The following DDX5 variants were observed in gnomAD, a reference collection of about 807,000 sequenced individuals.
DDX5 encodes probable ATP-dependent RNA helicase DDX5.
In DDX5, 6 loss-of-function variants were observed where a neutral mutation model predicts 68.6. That is an observed-to-expected ratio of 0.09 (90% CI 0.05 to 0.17). The LOEUF (loss-of-function observed/expected upper bound fraction) is 0.17. DDX5 is among the 10% of genes least tolerant of loss of function. The probability of loss-of-function intolerance (pLI) is 1.00; values close to 1 mark genes in which losing one functional copy is unlikely to be tolerated. For missense variants in DDX5, 499 were observed against 756.1 expected (o/e 0.66, Z 3.99); for synonymous variants, 350 against 247.0 (o/e 1.42, Z -3.91).
Position 64,502,230 on chromosome 17 carries a change from TAA to T in DDX5, c.1095-9_1095-8del, listed in dbSNP as rs1281493027. 2.5e-6 allele frequency: 4 copies of T among 1,613,718 alleles called. No homozygotes were observed. The African/African-American group carries it at 5.3e-5, about 22-fold the overall frequency. On this transcript the variant is annotated splice_polypyrimidine_tract_variant and splice_region_variant and intron_variant, in intron 9 of 12. Transcript: ENST00000225792. The stretch of plus-strand genomic sequence containing the variant: ...GATACCCATGGCAGGCCACCTAAGT[TAA>T]AAGACAAGTTGTGTTATTAAACTCA...
chr17:64,500,088 A>G lies in DDX5; in HGVS notation c.1680T>C (p.Thr560=). The change falls in exon 13 of 13, where the codon ACT becomes ACC. Residue 560 remains threonine, a synonymous_variant. Transcript: ENST00000225792. ...VSAGIQTSFR[T]GNPTGTYQNG... ...TCTGGTAAGTCCCTGTTGGATTACCAGTCCTAAAACTGGTCTGTATACCAG... is the reference window on the plus strand; with the variant it reads ...TCTGGTAAGTCCCTGTTGGATTACCGGTCCTAAAACTGGTCTGTATACCAG... 6.2e-7 allele frequency: 1 copy of G among 1,614,208 alleles called. No homozygotes were observed. The highest frequency in any genetic ancestry group is 1.1e-5 in the South Asian group (1 of 91,076).
chr17:64,502,691 G>T (rs1555671343), intron 8 of DDX5, 142 bp from the exon 9 acceptor site: 2 of 734,308 alleles, frequency 2.7e-6, no homozygotes, highest in Non-Finnish European at 4.4e-6. Context: ...CACTTATCGA[G>T]CAGTTCGACC....
At position 64,505,881 on chromosome 17, in the gene DDX5, G is replaced by T. The variant is rs1461299695; in HGVS notation, c.44+195C>A. 5 of 1,535,916 alleles carry T rather than the reference G, an allele frequency of 3.3e-6. No individual in the cohort carries two copies. In the East Asian group the frequency reaches 9.8e-5, roughly 30 times the overall value. Reference sequence around the variant, plus strand: ...CAATCCCCACACAAAAAGCAAGCTTGAAGACACTACACCGTCAAATCTCTT... The same window carrying T: ...CAATCCCCACACAAAAAGCAAGCTTTAAGACACTACACCGTCAAATCTCTT... On this transcript the variant is annotated intron_variant, in intron 1 of 12. Transcript: ENST00000225792.
rs1555671300 is a variant in DDX5, at chr17:64,502,512, CCTT to C, written c.1018_1020del (p.Lys340del). On this transcript the variant is annotated inframe_deletion, in exon 9 of 13. Transcript: ENST00000225792. ...TCCACAAAAACAATGGTTTTATTCT[CCTT>C]CTCACTCATGATCTCTTCCATTAGA... is the stretch of plus-strand genomic sequence containing the variant. The C allele has an allele frequency of 2.5e-6, 4 of 1,613,432 alleles. No homozygotes were observed. Among genetic ancestry groups the C allele is most frequent in the Admixed American group, 3.3e-5 (2 of 59,994 alleles).
intron 11 of DDX5, chr17:64,501,004 C>T: frequency 1.8e-6 from 1 of 566,624 alleles, no homozygotes; most frequent in Non-Finnish European, 3.1e-6. Context: ...CAGACCCTGT[C>T]AAAAGGAATG....
chr17:64,503,437 C>G lies in DDX5; in HGVS notation c.642G>C (p.Leu214Phe), dbSNP rs1221412749. 1 of 1,614,176 alleles carries G rather than the reference C, an allele frequency of 6.2e-7. No individual in the cohort carries two copies. Among genetic ancestry groups the G allele is most frequent in the African/African-American group, 1.3e-5 (1 of 75,056 alleles). Residue 214 changes from leucine to phenylalanine, a missense_variant, in exon 6 of 13, where the codon TTG becomes TTC. Physicochemically the swap from Leu to Phe is conservative, Grantham distance 22. Around this residue, in one of 5 missense-constraint regions of DDX5, gnomAD observed 141 missense variants for 279.8 expected, o/e 0.50. Coordinates refer to ENST00000225792, the MANE Select transcript of DDX5 (RefSeq NM_004396.5). The part of the protein sequence containing the change: ...GAPKGPQIRD[L>F]ERGVEICIAT... The stretch of plus-strand genomic sequence containing the variant: ...ACCCTTTTCATTACATACCTCTCTC[C>G]AAATCACGTATTTGTGGTCCCTTAG...
Position 64,506,260 on chromosome 17 carries a change from C to G in DDX5, c.-141G>C, listed in dbSNP as rs370167585. 1.1e-5 allele frequency: 17 copies of G among 1,542,656 alleles called. No homozygotes were observed. Among genetic ancestry groups the G allele is most frequent in the African/African-American group, 5.5e-5 (4 of 73,114 alleles). On this transcript the variant is annotated 5_prime_UTR_variant, in exon 1 of 13. Transcript: ENST00000225792. ...ACCGATGACACCAGCCGAAGCTGCA[C>G]TACTAGAGACCGGTAGAAATGAATG...
chr17:64,504,247 T>C lies in DDX5; in HGVS notation c.282A>G (p.Leu94=). The change falls in exon 3 of 13, where the codon CTA becomes CTG. Residue 94 remains leucine, a synonymous_variant. Coordinates refer to ENST00000225792, the MANE Select transcript of DDX5 (RefSeq NM_004396.5). The part of the protein sequence containing the change: ...VRGHNCPKPV[L]NFYEANFPAN... Reference sequence around the variant, plus strand: ...CAGGGAAATTGGCTTCATAAAAATTTAGAACTGGCTTCGGGCAGTTGTGAC... The same window carrying C: ...CAGGGAAATTGGCTTCATAAAAATTCAGAACTGGCTTCGGGCAGTTGTGAC... 1 of 1,614,162 alleles carries C rather than the reference T, an allele frequency of 6.2e-7. No individual in the cohort carries two copies. Among genetic ancestry groups the C allele is most frequent in the South Asian group, 1.1e-5 (1 of 91,080 alleles).
At chr17:64,504,477 T>A (rs940576797) in intron 2 of DDX5, 159 bp from the exon 3 acceptor site, 37 of 902,028 alleles carry the variant, frequency 4.1e-5, no homozygotes, top group South Asian at 7.3e-5. Context: ...AAAAAAAAAA[T>A]TTATTGTTAT....
At chr17:64,504,539 G>A (rs2038377871) in intron 2 of DDX5, 138 bp downstream of exon 2, 2 of 1,127,282 alleles carry the variant, frequency 1.8e-6, no homozygotes, top group Non-Finnish European at 1.3e-6. Context: ...CCAAAAGTGA[G>A]TCACACCTTT....
chr17:64,506,691 A>G, upstream of DDX5: 2 of 378,262 alleles, frequency 5.3e-6, no homozygotes, highest in Non-Finnish European at 9.8e-6. Context: ...CGGACCACCG[A>G]GAGAGCGGTC....
intron 2 of DDX5, 159 bp from the exon 3 acceptor site, chr17:64,504,477 TTTA>T (rs1309254721): frequency 3.3e-6 from 3 of 902,068 alleles, no homozygotes; most frequent in East Asian, 2.7e-5. Flanking sequence ...AAAAAAAAAA[TTTA>T]TTGTTATACT....
intron 9 of DDX5, 106 bp from the exon 10 acceptor site, chr17:64,502,329 A>T: frequency 6.7e-7 from 1 of 1,481,546 alleles, no homozygotes; most frequent in Non-Finnish European, 9.4e-7. Flanking sequence ...CAGAAATGAA[A>T]AAGTTAAATT....
rs1321486079 is a variant in DDX5, at chr17:64,498,346, G to A, written c.*1577C>T. On this transcript the variant is annotated 3_prime_UTR_variant, in exon 13 of 13. Coordinates refer to ENST00000225792, the MANE Select transcript of DDX5 (RefSeq NM_004396.5). ...TGGACTGTCTTTTAAAACTTCCAAG[G>A]TAAATAGGTAAATGTTTTCCACAGC... 6.6e-6 allele frequency among the ~76,000 whole-genome samples: 1 copy of A among 152,150 alleles called. No individual in the cohort carries two copies. Among genetic ancestry groups the A allele is most frequent in the Non-Finnish European group, 1.5e-5 (1 of 68,030 alleles).
chr17:64,504,491 CAACCT>C (rs2038376694), intron 2 of DDX5, 173 bp from the exon 3 acceptor site: 1 of 922,464 alleles, frequency 1.1e-6, no homozygotes, highest in Non-Finnish European at 1.6e-6. Flanking sequence ...TTGTTATACT[CAACCT>C]AATTTAAGTA....
Position 64,503,855 on chromosome 17 carries a change from G to A in DDX5, c.455C>T (p.Ala152Val). ...TGGCTGATGATTGATGTGGACAATG[G>A]CAGGAAGCAAATACTATTTAGGGTG... ...SGKTLSYLLP[A>V]IVHINHQPFL... The change falls in exon 5 of 13, where the codon GCC becomes GTC. Residue 152 changes from alanine to valine, a missense_variant. This residue lies in a region of DDX5 where 141 missense variants were observed against 279.8 expected (regional missense o/e 0.50). Transcript: ENST00000225792. The A allele has an allele frequency of 6.2e-7, 1 of 1,614,174 alleles. No individual in the cohort carries two copies. The highest frequency in any genetic ancestry group is 8.5e-7 in the Non-Finnish European group (1 of 1,180,012).
rs1251448943 is a variant in DDX5 at position 64,499,532 on chromosome 17, AAACC to A, written c.*387_*390del. ...AGTCATTTGTTTTCATGGAAAAAAAAAACCAAACAAAAACAAAAAAAAAACCAGA... is the reference window on the plus strand; with the variant it reads ...AGTCATTTGTTTTCATGGAAAAAAAAAAACAAAAACAAAAAAAAAACCAGA... On this transcript the variant is annotated 3_prime_UTR_variant, in exon 13 of 13. Coordinates refer to ENST00000225792, the MANE Select transcript of DDX5 (RefSeq NM_004396.5). 8.3e-5 allele frequency: 17 copies of A among 205,952 alleles called. No homozygotes were observed. The highest frequency in any genetic ancestry group is 6.6e-4 in the African/African-American group (15 of 22,714). The allele number at this position is 205,952 out of a possible 1,614,324, so 12.8% of individuals were successfully genotyped here.
chr17:64,502,023 G>A lies in DDX5; in HGVS notation c.1203C>T (p.Ala401=). The part of the protein sequence containing the change: ...KAPILIATDV[A]SRGLDVEDVK... ...GTTTGTACTAACCTAGCCCTCTGGA[G>A]GCCACATCTGTAGCAATCAGAATAG... is the stretch of plus-strand genomic sequence containing the variant. Residue 401 remains alanine, a synonymous_variant, in exon 11 of 13, where the codon GCC becomes GCT. Transcript: ENST00000225792. 1 of 1,614,170 alleles carries A rather than the reference G, an allele frequency of 6.2e-7. No homozygotes were observed. The highest frequency in any genetic ancestry group is 2.2e-5 in the East Asian group (1 of 44,882).
upstream of DDX5, chr17:64,506,309 CCG>C: frequency 4.0e-6 from 6 of 1,510,342 alleles, no homozygotes; most frequent in Non-Finnish European, 5.3e-6. Flanking sequence ...TTTCCGGCAG[CCG>C]CTTTTATAGT....
Sources: gnomAD v4.1 joint callset for allele counts (sites outside exome capture counted in the v4.1 genomes callset) on GRCh38, gnomAD v4.1.1 for gene constraint, gnomAD v4.1.1 regional missense constraint, MANE v1.5 for transcripts, NCBI Gene and HGNC (gene_info 2026-07-23, HGNC 2026-07-21) for gene names.